IL4R: variants seen among roughly 807,000 people sequenced by gnomAD.
IL4R encodes the protein interleukin 4 receptor.
In IL4R, 17 loss-of-function variants were observed where a neutral mutation model predicts 41.5. The observed-to-expected ratio is 0.41, with a 90% CI of 0.28 to 0.61. IL4R has a LOEUF of 0.61. Among genes scored for constraint, IL4R ranks in the 20% least tolerant of loss-of-function variants. The pLI is 0.31. For synonymous variants in IL4R, 402 were observed against 422.9 expected, an observed-to-expected ratio of 0.95 and a Z score of 0.61; for missense variants, 974 against 1,043.1, an observed-to-expected ratio of 0.93 and a Z score of 0.91.
At position 27,362,778 on chromosome 16, in the gene IL4R, A is replaced by T; in HGVS notation, c.1426A>T (p.Thr476Ser). 1 of 1,614,038 alleles carries T rather than the reference A, an allele frequency of 6.2e-7. No individual in the cohort carries two copies. Among genetic ancestry groups the T allele is most frequent in the South Asian group, 1.1e-5 (1 of 91,070 alleles). The change falls in exon 11 of 11, where the codon ACC becomes TCC. Residue 476 changes from threonine to serine, a missense_variant. Physicochemically the swap from Thr to Ser is moderately conservative, Grantham distance 58. Around this residue, in one of 3 missense-constraint regions of IL4R, gnomAD observed 682 missense variants for 704.3 expected, o/e 0.97. Coordinates refer to ENST00000395762, the MANE Select transcript of IL4R (RefSeq NM_000418.4). ...GGAGCCAAGTCCTCCTGCCAGCCCG[A>T]CCCAGAGTCCAGACAACCTGACTTG... ...HLEPSPPASP[T>S]QSPDNLTCTE...
intron 1 of IL4R, among the ~76,000 whole-genome samples, chr16:27,322,611 G>A (rs1188761626): frequency 2.0e-5 from 3 of 152,122 alleles, no homozygotes; most frequent in Non-Finnish European, 4.4e-5. Flanking sequence ...TTGGGAGGGC[G>A]AGGTGGGAGA....
intron 10 of IL4R, among the ~76,000 whole-genome samples, 164 bp from the exon 11 acceptor site, chr16:27,362,088 C>G (rs1444958277): frequency 6.6e-6 from 1 of 152,198 alleles, no homozygotes; most frequent in Non-Finnish European, 1.5e-5. Flanking sequence ...TCAGGGATTT[C>G]TCATTCTAGC....
At position 27,363,294 on chromosome 16, in the gene IL4R, G is replaced by A; in HGVS notation, c.1942G>A (p.Val648Ile). The A allele has an allele frequency of 6.2e-7, 1 of 1,607,532 alleles. No homozygotes were observed. The highest frequency in any genetic ancestry group is 1.1e-5 in the South Asian group (1 of 90,282). Residue 648 changes from valine (V) to isoleucine (I), a missense_variant, in exon 11 of 11, where the codon GTC (valine) becomes ATC (isoleucine). This residue lies in a region of IL4R where 682 missense variants were observed against 704.3 expected (regional missense o/e 0.97). Coordinates refer to ENST00000395762, the MANE Select transcript of IL4R (RefSeq NM_000418.4). ...IPGCPGDPAP[V>I]PVPLFTFGLD... ...TGGCTGCCCTGGGGACCCTGCCCCA[G>A]TCCCTGTCCCCTTGTTCACCTTTGG...
At chr16:27,361,092 T>A (rs2086266971) in intron 10 of IL4R, 1 of 1,302,546 alleles carries the variant, frequency 7.7e-7, no homozygotes, top group African/African-American at 1.5e-5. Flanking sequence ...TGTTAAAATC[T>A]TGACCTAATT....
chr16:27,356,122 C>T (rs1377872249), intron 8 of IL4R, among the ~76,000 whole-genome samples: 1 of 139,208 alleles, frequency 7.2e-6, no homozygotes, highest in Non-Finnish European at 1.5e-5. Flanking sequence ...GACGGAGTCT[C>T]ACTCTGTCAC....
intron 3 of IL4R, 136 bp from the exon 4 acceptor site, chr16:27,341,985 C>T: frequency 1.1e-6 from 1 of 913,492 alleles, no homozygotes; most frequent in Non-Finnish European, 1.6e-6. Context: ...TGGTCCTGGC[C>T]CCAGCTCTGT....
chr16:27,348,394 A>T (rs1220939318), intron 6 of IL4R, among the ~76,000 whole-genome samples: 1 of 152,200 alleles, frequency 6.6e-6, no homozygotes, highest in African/African-American at 2.4e-5. Context: ...AGAGAAAGGT[A>T]CCACCTTCAG....
intron 1 of IL4R, among the ~76,000 whole-genome samples, chr16:27,320,174 C>T (rs773762902): frequency 5.9e-5 from 9 of 152,226 alleles, no homozygotes; most frequent in African/African-American, 9.6e-5. Context: ...GCCCTGGGTG[C>T]GTGCTTCTTA....
rs1294945326 is a variant in IL4R at position 27,340,277 on chromosome 16, A to G, written c.70+4A>G. On this transcript the variant is annotated splice_donor_region_variant and intron_variant, in intron 3 of 10. Coordinates refer to ENST00000395762, the MANE Select transcript of IL4R (RefSeq NM_000418.4). ...CTGCTGCAGGTGGCAAGCTCTGGTAAGTCACCACTTCTCAATCATTCATTT... is the reference window on the plus strand; with the variant it reads ...CTGCTGCAGGTGGCAAGCTCTGGTAGGTCACCACTTCTCAATCATTCATTT... The G allele has an allele frequency of 1.1e-5, 17 of 1,611,298 alleles. No individual in the cohort carries two copies. The highest frequency in any genetic ancestry group is 1.4e-5 in the Non-Finnish European group (17 of 1,177,588).
chr16:27,332,255 G>T (rs2085131622), intron 2 of IL4R, among the ~76,000 whole-genome samples: 2 of 152,108 alleles, frequency 1.3e-5, no homozygotes, highest in Non-Finnish European at 2.9e-5. Context: ...CAGGGCTGGG[G>T]AGGCTTCAGG....
At chr16:27,358,180 C>T (rs889385417) in intron 8 of IL4R, among the ~76,000 whole-genome samples, 2 of 152,220 alleles carry the variant, frequency 1.3e-5, no homozygotes, top group African/African-American at 2.4e-5. Flanking sequence ...AGGCGTGAGC[C>T]ACCATGCCTG....
At chr16:27,340,042 G>A in intron 2 of IL4R, 144 bp from the exon 3 acceptor site, 2 of 607,128 alleles carry the variant, frequency 3.3e-6, no homozygotes, top group Non-Finnish European at 5.9e-6. Context: ...TGGAGACAGA[G>A]CGAGACTCTG....
intron 1 of IL4R, among the ~76,000 whole-genome samples, chr16:27,325,720 T>C (rs1039189677): frequency 2.0e-5 from 3 of 152,110 alleles, no homozygotes; most frequent in African/African-American, 4.8e-5. Context: ...AAAATACACA[T>C]GCTCACTTAT....
chr16:27,357,989 G>A (rs2141204360), intron 8 of IL4R, among the ~76,000 whole-genome samples: 1 of 152,028 alleles, frequency 6.6e-6, no homozygotes, highest in Admixed American at 6.5e-5. Context: ...CGCCTTCCGG[G>A]TTCAAGCGAT....
chr16:27,360,978 G>A (rs765644682), intron 10 of IL4R, 163 bp downstream of exon 10: 28 of 1,498,310 alleles, frequency 1.9e-5, no homozygotes, highest in Admixed American at 1.0e-4. Flanking sequence ...TTCTGGAAAC[G>A]TGGACTGCTG....
At position 27,362,182 on chromosome 16, in the gene IL4R, G is replaced by GGGCTTT. The variant is rs766862428; in HGVS notation, c.900-68_900-63dup. The GGGCTTT allele has an allele frequency of 4.4e-4, 653 of 1,488,596 alleles. 1 individual carries two copies. The highest frequency in any genetic ancestry group is 2.0e-4 in the Non-Finnish European group (216 of 1,086,418). 92.2% of individuals were successfully genotyped at this position (1,488,596 alleles called of 1,614,324 possible). ...CATCAGGACATGGTGATTTCAGGCT[G>GGGCTTT]GGCTTTGAAGAATGAATAGGAGTTT... On this transcript the variant is annotated intron_variant, in intron 10 of 10. Coordinates refer to ENST00000395762, the MANE Select transcript of IL4R (RefSeq NM_000418.4).
intron 2 of IL4R, among the ~76,000 whole-genome samples, chr16:27,331,059 CT>C (rs34787942): frequency 6.6e-6 from 1 of 151,998 alleles, no homozygotes; most frequent in Non-Finnish European, 1.5e-5. Flanking sequence ...TCCCCCCAGA[CT>C]TCTCAAAAAT....
intron 6 of IL4R, among the ~76,000 whole-genome samples, chr16:27,349,590 ATG>A (rs2085791377): frequency 6.6e-6 from 1 of 152,130 alleles, no homozygotes; most frequent in South Asian, 2.1e-4. Flanking sequence ...GGGTTGGGGG[ATG>A]TGGGAATATG....
At chr16:27,342,328 G>A (rs2085469808) in intron 4 of IL4R, 69 bp downstream of exon 4, 1 of 1,587,116 alleles carries the variant, frequency 6.3e-7, no homozygotes, top group South Asian at 1.1e-5. Context: ...GAGTGAGCTG[G>A]GTCCAGGTGG....
Sources: allele counts gnomAD v4.1 joint callset (sites outside exome capture counted in the v4.1 genomes callset), GRCh38; gene constraint gnomAD v4.1.1; regional missense constraint gnomAD v4.1.1; transcripts MANE v1.5; gene names NCBI Gene and HGNC (gene_info 2026-07-23, HGNC 2026-07-21).